Variants in LRP2 observed in about 807,000 individuals in gnomAD.
LRP2 encodes the protein low-density lipoprotein receptor-related protein 2.
Under a neutral mutation model 531.0 loss-of-function variants are expected in LRP2, and 172 were observed. The ratio of observed to expected loss-of-function variants is 0.32; its 90% CI spans 0.29 to 0.37. LRP2 has a LOEUF of 0.37. LRP2 is among the 10% of genes least tolerant of loss of function. LRP2 has a pLI of 1.00. For missense variants in LRP2, 5,167 were observed against 5,868.3 expected (o/e 0.88, Z 3.90); for synonymous variants, 1,992 against 2,027.6 (o/e 0.98, Z 0.47).
At chr2:169,180,061 T>C (rs1219603238) in intron 52 of LRP2, among the ~76,000 whole-genome samples, 1 of 152,142 alleles carries the variant, frequency 6.6e-6, no homozygotes, top group Non-Finnish European at 1.5e-5. Context: ...AACTAGAAAA[T>C]TCCTTTTTTC....
At chr2:169,352,798 C>A (rs989463333) in intron 1 of LRP2, among the ~76,000 whole-genome samples, 3 of 126,898 alleles carry the variant, frequency 2.4e-5, no homozygotes, top group African/African-American at 8.2e-5. Context: ...GGGAGATGAA[C>A]AATGAGAACA....
chr2:169,183,174 G>A (rs1268681333), intron 50 of LRP2, among the ~76,000 whole-genome samples: 2 of 152,214 alleles, frequency 1.3e-5, no homozygotes, highest in African/African-American at 4.8e-5. Flanking sequence ...GAAGGAGAAT[G>A]ATTTCCCTTC....
At chr2:169,262,381 A>G (rs1326107282) in intron 16 of LRP2, among the ~76,000 whole-genome samples, 1 of 39,792 alleles carries the variant, frequency 2.5e-5, no homozygotes, top group African/African-American at 5.0e-5. Context: ...TAAGCTGATA[A>G]GCAACTTCAG....
chr2:169,330,021 A>G (rs1685224006), intron 1 of LRP2, among the ~76,000 whole-genome samples: 1 of 152,222 alleles, frequency 6.6e-6, no homozygotes, highest in Non-Finnish European at 1.5e-5. Flanking sequence ...TAGGTTGTGC[A>G]TTCCTTATGA....
chr2:169,220,590 C>A (rs2105353256), intron 33 of LRP2, 27 bp from the exon 34 acceptor site: 2 of 1,498,602 alleles, frequency 1.3e-6, no homozygotes, highest in Middle Eastern at 1.7e-4. Context: ...CTTATTAGAA[C>A]TGACTTTCAT....
At chr2:169,270,872 C>T (rs1324127169) in intron 16 of LRP2, 32 bp downstream of exon 16, 24 of 683,168 alleles carry the variant, frequency 3.5e-5, no homozygotes, top group Non-Finnish European at 5.0e-5. Context: ...AACACGCATA[C>T]ACACACACAC....
chr2:169,297,720 T>C (rs894996347), intron 4 of LRP2, among the ~76,000 whole-genome samples: 2 of 152,186 alleles, frequency 1.3e-5, no homozygotes, highest in Non-Finnish European at 2.9e-5. Flanking sequence ...ATGCTATAGT[T>C]CTGTTTACAT....
At chr2:169,225,513 C>T in intron 32 of LRP2, 60 bp from the exon 33 acceptor site, 2 of 1,587,560 alleles carry the variant, frequency 1.3e-6, no homozygotes, top group South Asian at 1.1e-5. Flanking sequence ...ACAAAAGAAC[C>T]CTTTCTTCAC....
intron 16 of LRP2, among the ~76,000 whole-genome samples, chr2:169,269,592 C>G (rs1574203561): frequency 6.6e-6 from 1 of 152,158 alleles, no homozygotes; most frequent in East Asian, 1.9e-4. Context: ...ACACCTTATA[C>G]AAAAATCAAT....
chr2:169,165,498 G>T (rs1437379623), intron 62 of LRP2, among the ~76,000 whole-genome samples: 1 of 152,198 alleles, frequency 6.6e-6, no homozygotes, highest in African/African-American at 2.4e-5. Flanking sequence ...GTGCTGCCTT[G>T]CTTCACATGA....
chr2:169,205,620 T>A lies in LRP2; in HGVS notation c.7574A>T (p.Asp2525Val). The A allele has an allele frequency of 6.2e-7, 1 of 1,613,478 alleles. No homozygotes were observed. The highest frequency in any genetic ancestry group is 1.1e-5 in the South Asian group (1 of 91,064). ...CTCGATTTTGGCATGTGTATCCCAG[T>A]CAGCCCAGTACAGGTACCTAGTCAT... is the stretch of plus-strand genomic sequence containing the variant. ...DPCQGYLYWA[D>V]WDTHAKIERA... Residue 2525 changes from aspartate to valine, a missense_variant, in exon 41 of 79, where the codon GAC becomes GTC. Physicochemically the swap from Asp to Val is radical, Grantham distance 152. Transcript: ENST00000649046.
intron 34 of LRP2, among the ~76,000 whole-genome samples, chr2:169,217,453 C>T (rs936919202): frequency 6.6e-6 from 1 of 152,078 alleles, no homozygotes; most frequent in Non-Finnish European, 1.5e-5. Flanking sequence ...GCCCTTAAGC[C>T]CTGCCTGAGC....
chr2:169,190,834 C>A (rs1207626398), intron 48 of LRP2, among the ~76,000 whole-genome samples: 2 of 152,226 alleles, frequency 1.3e-5, no homozygotes, highest in Non-Finnish European at 2.9e-5. Flanking sequence ...AATGCTCGTA[C>A]TATTTTCCTA....
intron 1 of LRP2, among the ~76,000 whole-genome samples, chr2:169,340,581 C>G (rs1685535848): frequency 2.0e-5 from 3 of 152,170 alleles, no homozygotes; most frequent in African/African-American, 7.2e-5. Flanking sequence ...CTTCTGCAAT[C>G]CCACTACCTG....
intron 1 of LRP2, among the ~76,000 whole-genome samples, chr2:169,334,857 T>C (rs1685361515): frequency 6.6e-6 from 1 of 152,232 alleles, no homozygotes; most frequent in Non-Finnish European, 1.5e-5. Flanking sequence ...CCTGTAAACC[T>C]CTGGCACAAT....
chr2:169,192,751 A>C (rs1559007006), intron 47 of LRP2, among the ~76,000 whole-genome samples: 1 of 152,174 alleles, frequency 6.6e-6, no homozygotes, highest in East Asian at 1.9e-4. Flanking sequence ...CAAAAGAAAG[A>C]AGATGATGTT....
At chr2:169,152,010 C>A (rs1686157419) in intron 67 of LRP2, among the ~76,000 whole-genome samples, 1 of 152,154 alleles carries the variant, frequency 6.6e-6, no homozygotes, top group Non-Finnish European at 1.5e-5. Flanking sequence ...CTGAACCTTC[C>A]CCCTCAAACA....
chr2:169,302,711 G>C (rs1005085498), intron 4 of LRP2, among the ~76,000 whole-genome samples: 1 of 150,500 alleles, frequency 6.6e-6, no homozygotes, highest in Non-Finnish European at 1.5e-5. Flanking sequence ...ACACAAGCCA[G>C]ACTGTGGGAA....
intron 1 of LRP2, among the ~76,000 whole-genome samples, chr2:169,360,990 C>T (rs946806989): frequency 2.0e-5 from 3 of 152,242 alleles, no homozygotes; most frequent in African/African-American, 7.2e-5. Flanking sequence ...GGGGCTTCCA[C>T]ATTCCCCACC....
Sources: gnomAD v4.1 joint callset for allele counts (sites outside exome capture counted in the v4.1 genomes callset) on GRCh38, gnomAD v4.1.1 for gene constraint, MANE v1.5 for transcripts, NCBI Gene and HGNC (gene_info 2026-07-23, HGNC 2026-07-21) for gene names.